Variants in TRPM3 observed in about 807,000 individuals in gnomAD.
TRPM3 encodes the protein long transient receptor potential channel 3.
A neutral mutation model predicts 181.2 loss-of-function variants in TRPM3; 77 were observed. The observed-to-expected ratio is 0.42, with a 90% CI of 0.35 to 0.51. The LOEUF is 0.51. TRPM3 is among the 20% of genes least tolerant of loss of function. The pLI, the probability that TRPM3 is intolerant of heterozygous loss-of-function variation, is 0.01. For missense variants in TRPM3, 1,759 were observed against 2,196.7 expected, an observed-to-expected ratio of 0.80 and a Z score of 3.98; for synonymous variants, 745 against 796.4, an observed-to-expected ratio of 0.94 and a Z score of 1.09.
intron 25 of TRPM3, among the ~76,000 whole-genome samples, chr9:70,544,713 C>T (rs776229342): frequency 2.0e-5 from 3 of 151,188 alleles, no homozygotes; most frequent in Non-Finnish European, 4.4e-5. Flanking sequence ...AATCAGGATC[C>T]AAAATTACTT....
intron 16 of TRPM3, among the ~76,000 whole-genome samples, chr9:70,619,597 T>G (rs1003517671): frequency 1.3e-5 from 2 of 151,562 alleles, no homozygotes; most frequent in Non-Finnish European, 2.9e-5. Flanking sequence ...ATTTTTTTTT[T>G]GGAGATGGGG....
At chr9:70,882,471 T>A (rs1425508891) in intron 1 of TRPM3, among the ~76,000 whole-genome samples, 1 of 152,146 alleles carries the variant, frequency 6.6e-6, no homozygotes, top group Admixed American at 6.6e-5. Flanking sequence ...AAACTGCAGG[T>A]GTGAAGGCTT....
chr9:70,776,338 A>T, intron 7 of TRPM3: 1 of 641,830 alleles, frequency 1.6e-6, no homozygotes, highest in South Asian at 1.9e-5. Context: ...GACACTGCAG[A>T]TGCTGAGCTT....
At position 70,537,203 on chromosome 9, in the gene TRPM3, C is replaced by T. The variant is rs199808228; in HGVS notation, c.3910G>A (p.Ala1304Thr). 2.1e-4 allele frequency: 339 copies of T among 1,594,670 alleles called. 6 individuals are homozygous for T. The South Asian group carries it at 2.9e-3, about 14-fold the overall frequency. ...RSRTSSDCTD[A>T]AYIVRQSSFN... is the part of the protein sequence containing the mutation. ...CTGCTCTGACGGACAATGTAGGCGGCGTCCGTGCAGTCTGACGAGGTCCTC... is the reference window on the plus strand; with the variant it reads ...CTGCTCTGACGGACAATGTAGGCGGTGTCCGTGCAGTCTGACGAGGTCCTC... Residue 1304 changes from alanine to threonine, a missense_variant, in exon 26 of 26, where the codon GCC becomes ACC. By Grantham distance (58) the Ala-to-Thr change is moderately conservative (BLOSUM62 0). Transcript: ENST00000677713.
intron 1 of TRPM3, among the ~76,000 whole-genome samples, chr9:71,260,163 T>C (rs1170898655): frequency 1.3e-5 from 2 of 152,226 alleles, no homozygotes; most frequent in African/African-American, 2.4e-5. Flanking sequence ...TTTGTTTTTG[T>C]CAGGTTTGTC....
At chr9:70,624,854 A>G (rs1438522326) in intron 14 of TRPM3, among the ~76,000 whole-genome samples, 1 of 152,186 alleles carries the variant, frequency 6.6e-6, no homozygotes, top group Non-Finnish European at 1.5e-5. Context: ...TGGGATTCCT[A>G]TGTTTAACTT....
intron 6 of TRPM3, chr9:70,827,546 G>A (rs1181244237): frequency 3.2e-5 from 7 of 220,710 alleles, no homozygotes; most frequent in Admixed American, 1.6e-4. Flanking sequence ...GGAGTACCAT[G>A]CAGATGATGA....
At chr9:70,942,591 G>A (rs936850302) in intron 1 of TRPM3, among the ~76,000 whole-genome samples, 1 of 152,144 alleles carries the variant, frequency 6.6e-6, no homozygotes, top group Non-Finnish European at 1.5e-5. Flanking sequence ...AACTTTTCCA[G>A]TAATGAAGGC....
At chr9:70,858,811 A>G (rs1430166353) in intron 3 of TRPM3, among the ~76,000 whole-genome samples, 1 of 151,944 alleles carries the variant, frequency 6.6e-6, no homozygotes, top group Non-Finnish European at 1.5e-5. Context: ...AAAATTCTTA[A>G]TAATTTTATC....
intron 1 of TRPM3, among the ~76,000 whole-genome samples, chr9:71,348,556 T>A (rs10869012): frequency 0.47 from 68,333 of 146,662 alleles, 16,794 homozygotes; most frequent in East Asian, 0.59. Context: ...ATTTATATAT[T>A]TATTTATTTA....
chr9:70,782,626 T>C (rs1157444922), intron 7 of TRPM3, among the ~76,000 whole-genome samples: 1 of 152,134 alleles, frequency 6.6e-6, no homozygotes, highest in Non-Finnish European at 1.5e-5. Flanking sequence ...AGCTATAAAG[T>C]GGACCAATAT....
chr9:71,202,064 G>T lies in TRPM3; in HGVS notation c.183+244589C>A, dbSNP rs1050987964. ...CTTCTAACAGACAGGACCCTCAGCTGCAGGTCTGTTGGAGTTTGCTAGAGG... is the reference window on the plus strand; with the variant it reads ...CTTCTAACAGACAGGACCCTCAGCTTCAGGTCTGTTGGAGTTTGCTAGAGG... On this transcript the variant is annotated intron_variant, in intron 1 of 24. Coordinates refer to the TRPM3 transcript ENST00000357533. Among the ~76,000 whole-genome samples, 14 of 152,310 alleles carry T rather than the reference G, an allele frequency of 9.2e-5. No individual in the cohort carries two copies. In the East Asian group the frequency reaches 1.9e-3, roughly 21 times the overall value.
At chr9:71,181,704 C>T (rs937948457) in intron 1 of TRPM3, among the ~76,000 whole-genome samples, 3 of 152,068 alleles carry the variant, frequency 2.0e-5, no homozygotes, top group African/African-American at 4.8e-5. Context: ...TGTCCTTTAG[C>T]AACAGAGAGG....
chr9:71,356,763 C>T (rs960368336), intron 1 of TRPM3, among the ~76,000 whole-genome samples: 6 of 152,218 alleles, frequency 3.9e-5, no homozygotes, highest in South Asian at 2.1e-4. Flanking sequence ...GTTTATTATG[C>T]ATATCCAGTT....
At chr9:71,282,622 T>C (rs146907671) in intron 1 of TRPM3, among the ~76,000 whole-genome samples, 4 of 152,324 alleles carry the variant, frequency 2.6e-5, no homozygotes, top group African/African-American at 9.6e-5. Context: ...ACCATCTGTA[T>C]AGGAATTTAA....
Position 71,407,817 on chromosome 9 carries a change from C to T in TRPM3, c.183+38836G>A, listed in dbSNP as rs12551983. Among the ~76,000 whole-genome samples, 355 of 152,292 alleles carry T rather than the reference C, an allele frequency of 2.3e-3. 8 individuals are homozygous for T. Among genetic ancestry groups the T allele is most frequent in the Admixed American group, 0.017 (262 of 15,298 alleles). Reference sequence around the variant, plus strand: ...CACAAGTAGCCTGACTGGGAGACACCTCCCAATAGGGGCCAACTGACACCT... The same window carrying T: ...CACAAGTAGCCTGACTGGGAGACACTTCCCAATAGGGGCCAACTGACACCT... On this transcript the variant is annotated intron_variant, in intron 1 of 24. Transcript: ENST00000357533.
intron 1 of TRPM3, among the ~76,000 whole-genome samples, chr9:71,067,056 C>T (rs2062020414): frequency 1.1e-5 from 1 of 90,830 alleles, no homozygotes; most frequent in African/African-American, 2.9e-5. Flanking sequence ...GTTCTGTCAG[C>T]TCTTGAAACT....
intron 1 of TRPM3, among the ~76,000 whole-genome samples, chr9:71,044,603 T>C (rs1016722614): frequency 1.3e-5 from 2 of 152,250 alleles, no homozygotes; most frequent in Non-Finnish European, 2.9e-5. Flanking sequence ...CTACAAAAAG[T>C]CCTACTTCAT....
At chr9:71,423,899 T>C (rs2093820065) in intron 1 of TRPM3, among the ~76,000 whole-genome samples, 2 of 152,086 alleles carry the variant, frequency 1.3e-5, no homozygotes, top group South Asian at 4.1e-4. Flanking sequence ...ACCTATTTTT[T>C]TCATCTGCTT....
Sources: allele counts gnomAD v4.1 joint callset (sites outside exome capture counted in the v4.1 genomes callset), GRCh38; gene constraint gnomAD v4.1.1; transcripts MANE v1.5; gene names NCBI Gene and HGNC (gene_info 2026-07-23, HGNC 2026-07-21).